KLHL5: variants seen among roughly 807,000 people sequenced by gnomAD.
The protein encoded by KLHL5 is kelch like family member 5.
KLHL5 carries 48 observed loss-of-function variants against 77.7 expected under a neutral mutation model. The observed-to-expected ratio is 0.62, with a 90% CI of 0.49 to 0.79. The LOEUF is 0.79. Among genes scored for constraint, KLHL5 ranks in the 30% least tolerant of loss-of-function variants. KLHL5 has a pLI of 0.00. For synonymous variants in KLHL5, 260 were observed against 297.0 expected (o/e 0.88, Z 1.28); for missense variants, 723 against 859.7 (o/e 0.84, Z 1.99).
intron 1 of KLHL5, among the ~76,000 whole-genome samples, chr4:39,047,289 G>A (rs997053292): frequency 9.9e-5 from 15 of 152,152 alleles, no homozygotes; most frequent in African/African-American, 2.9e-4. Flanking sequence ...GTGGTGCCAC[G>A]TACCTGTAGT....
At position 39,081,909 on chromosome 4, in the gene KLHL5, TA is replaced by T; in HGVS notation, c.704-50del. 2 of 1,299,816 alleles carry T rather than the reference TA, an allele frequency of 1.5e-6. No individual in the cohort carries two copies. The highest frequency in any genetic ancestry group is 2.1e-6 in the Non-Finnish European group (2 of 948,464). The allele number at this position is 1,299,816 out of a possible 1,614,324, so 80.5% of individuals were successfully genotyped here. On this transcript the variant is annotated intron_variant, in intron 3 of 10. Transcript: ENST00000504108. The surrounding 1 kb of genome is among the most constrained non-coding windows in gnomAD (Gnocchi z 4.3). The stretch of plus-strand genomic sequence containing the variant: ...ACTACTGTTAACATCAATTATTTTA[TA>T]AAATAAGGTTAATGTAGTTCCATGG...
chr4:39,065,470 C>T (rs982776674), intron 1 of KLHL5, among the ~76,000 whole-genome samples: 4 of 151,754 alleles, frequency 2.6e-5, no homozygotes, highest in African/African-American at 9.7e-5. Context: ...TCTCCTGCCT[C>T]AGCCTCCCAA....
chr4:39,143,050 CA>C, the KLHL5 span, among the ~76,000 whole-genome samples: 3 of 152,250 alleles, frequency 2.0e-5, no homozygotes, highest in East Asian at 5.8e-4. Context: ...CACACACACA[CA>C]CACAAGTGCA....
intron 1 of KLHL5, among the ~76,000 whole-genome samples, chr4:39,072,770 TCTTACCAGAGGTG>T (rs1288506259): frequency 6.6e-6 from 1 of 152,106 alleles, no homozygotes; most frequent in Admixed American, 6.6e-5. Flanking sequence ...AGTAAGGAAG[TCTTACCAGAGGTG>T]CTTACCAGAG....
At chr4:39,106,906 TA>T (rs10571577) in intron 7 of KLHL5, among the ~76,000 whole-genome samples, 80,084 of 148,044 alleles carry the variant, frequency 0.54, 22,184 homozygotes, top group Middle Eastern at 0.69. Context: ...CCTGGCTAAT[TA>T]AAAAAAAAAA....
chr4:39,052,926 A>G (rs933601264), intron 1 of KLHL5, among the ~76,000 whole-genome samples: 2 of 152,178 alleles, frequency 1.3e-5, no homozygotes, highest in Non-Finnish European at 2.9e-5. Context: ...TGCATGATTA[A>G]CACTAAGAAA....
chr4:39,067,359 ATTT>A (rs1206769616), intron 1 of KLHL5, among the ~76,000 whole-genome samples: 1 of 152,060 alleles, frequency 6.6e-6, no homozygotes, highest in African/African-American at 2.4e-5. Context: ...ATAAAGTGCC[ATTT>A]TTTTCACATC....
chr4:39,074,686 C>CTTAA (rs1406718707), intron 1 of KLHL5, among the ~76,000 whole-genome samples: 1 of 151,590 alleles, frequency 6.6e-6, no homozygotes, highest in African/African-American at 2.4e-5. Flanking sequence ...ATCTCCTTAG[C>CTTAA]TTAAGTTCCT....
intron 2 of KLHL5, among the ~76,000 whole-genome samples, chr4:39,077,546 C>G (rs1231635780): frequency 1.3e-5 from 2 of 151,936 alleles, no homozygotes; most frequent in Non-Finnish European, 2.9e-5. Flanking sequence ...CTTACTCTTG[C>G]AAGAATGGCC....
intron 7 of KLHL5, among the ~76,000 whole-genome samples, chr4:39,107,185 T>A (rs1421975407): frequency 1.3e-5 from 2 of 151,888 alleles, no homozygotes; most frequent in Non-Finnish European, 2.9e-5. Context: ...GTAGCTGGGA[T>A]TACAGGTGCC....
intron 1 of KLHL5, among the ~76,000 whole-genome samples, chr4:39,049,833 A>G (rs770398336): frequency 1.3e-5 from 2 of 152,130 alleles, no homozygotes; most frequent in Non-Finnish European, 2.9e-5. Flanking sequence ...GCACTTTGGT[A>G]GGCTCAGGTG....
chr4:39,105,676 T>A (rs1236278871), intron 7 of KLHL5, among the ~76,000 whole-genome samples: 1 of 151,504 alleles, frequency 6.6e-6, no homozygotes, highest in Non-Finnish European at 1.5e-5. Context: ...TATATGCACA[T>A]ATATACATAT....
In KLHL5 at chr4:39,113,225, G is replaced by A. The variant is rs554918958; in HGVS notation, c.1894G>A (p.Val632Met). Residue 632 changes from valine (V) to methionine (M), a missense_variant, in exon 9 of 11, where the codon GTG (valine) becomes ATG (methionine). Physicochemically the swap from Val to Met is conservative, Grantham distance 21. Transcript: ENST00000504108. ...SNLTSRLSDC[V>M]ERYDPKTDMW... is the part of the protein sequence containing the mutation. ...CTTGACTTCCAGACTCTCAGACTGT[G>A]TGGAAAGGTAATTTCCTGGGAAGAA... The A allele has an allele frequency of 1.2e-6, 2 of 1,611,174 alleles. No individual in the cohort carries two copies. The highest frequency in any genetic ancestry group is 1.1e-5 in the South Asian group (1 of 90,678).
the KLHL5 span, chr4:39,134,139 G>A: frequency 1.3e-5 from 2 of 152,220 alleles, no homozygotes; most frequent in African/African-American, 2.4e-5. Context: ...AGCTCCACAT[G>A]TCAGGGCCAC....
chr4:39,073,290 C>G (rs894318490), intron 1 of KLHL5, among the ~76,000 whole-genome samples: 6 of 152,024 alleles, frequency 3.9e-5, no homozygotes, highest in African/African-American at 1.5e-4. Context: ...TCAGAAGTAG[C>G]CTATAATAAC....
In KLHL5 at chr4:39,081,952, T is replaced by C; in HGVS notation, c.704-11T>C. ...GTTCCATGGCTAATGGAATTTCTTT[T>C]TATCATTAAGGCCGCCTTGAATTAA... On this transcript the variant is annotated splice_polypyrimidine_tract_variant and intron_variant, in intron 3 of 10. Transcript: ENST00000504108. This position sits in a 1 kb window ranked among gnomAD's most constrained non-coding sequence, Gnocchi z 4.3. 1 of 1,563,590 alleles carries C rather than the reference T, an allele frequency of 6.4e-7. No individual in the cohort carries two copies. The highest frequency in any genetic ancestry group is 2.0e-5 in the Admixed American group (1 of 49,424).
At position 39,063,778 on chromosome 4, in the gene KLHL5, G is replaced by T. The variant is rs555731673; in HGVS notation, c.383+743G>T. The stretch of plus-strand genomic sequence containing the variant: ...AGAAGGGGAAATCAGTTAGAAGAAA[G>T]AAAATAAGGAAAAAAATAGGTAATT... On this transcript the variant is annotated intron_variant, in intron 1 of 10. Transcript: ENST00000504108. The T allele has an allele frequency of 5.2e-5, 9 of 173,430 alleles. No individual in the cohort carries two copies. In the South Asian group the frequency reaches 1.0e-3, roughly 19 times the overall value. 10.7% of individuals were successfully genotyped at this position (173,430 alleles called of 1,614,324 possible).
the KLHL5 span, among the ~76,000 whole-genome samples, chr4:39,141,420 T>C: frequency 1.6e-4 from 24 of 149,918 alleles, no homozygotes; most frequent in African/African-American, 4.9e-4. Context: ...GCCATTCTCC[T>C]GCCTCAGCCT....
At chr4:39,080,191 A>G (rs1029497533) in intron 2 of KLHL5, among the ~76,000 whole-genome samples, 16 of 152,178 alleles carry the variant, frequency 1.1e-4, no homozygotes, top group Admixed American at 6.5e-5. Flanking sequence ...GTGTGTTGAC[A>G]TGGAAATATC....
Sources: allele counts gnomAD v4.1 joint callset (sites outside exome capture counted in the v4.1 genomes callset), GRCh38; gene constraint gnomAD v4.1.1; non-coding constraint Gnocchi (gnomAD v3.1); transcripts MANE v1.5; gene names NCBI Gene and HGNC (gene_info 2026-07-23, HGNC 2026-07-21).